The following HUWE1 variants were observed in gnomAD, a reference collection of about 807,000 sequenced individuals.
HUWE1 encodes HECT, UBA and WWE domain containing E3 ubiquitin protein ligase 1, also known as E3 ubiquitin-protein ligase HUWE1.
HUWE1 carries 18 observed loss-of-function variants against 299.4 expected under a neutral mutation model. The observed-to-expected ratio is 0.06, with a 90% CI of 0.04 to 0.09. The LOEUF is 0.09. Among genes scored for constraint, HUWE1 ranks in the 10% least tolerant of loss-of-function variants. The pLI is 1.00. For synonymous variants in HUWE1, 1,317 were observed against 1,286.1 expected (o/e 1.02, Z -0.51); for missense variants, 1,832 against 3,462.3 (o/e 0.53, Z 11.82).
intron 15 of HUWE1, 134 bp downstream of exon 15, chrX:53,628,359 T>C: frequency 2.9e-6 from 2 of 678,247 alleles, no homozygotes; most frequent in South Asian, 5.9e-5. Flanking sequence ...GGCCTTCTAC[T>C]TAAGTATAAC....
intron 2 of HUWE1, among the ~76,000 whole-genome samples, chrX:53,681,430 TAA>T (rs782160350): frequency 1.3e-4 from 11 of 84,927 alleles, no homozygotes; most frequent in Middle Eastern, 6.1e-3. Context: ...GACTCCATCT[TAA>T]AAAAAAAAAA....
intron 37 of HUWE1, 61 bp downstream of exon 37, chrX:53,588,321 G>A: frequency 8.9e-7 from 1 of 1,117,399 alleles, no homozygotes; most frequent in Admixed American, 2.2e-5. Context: ...CCTCATATAT[G>A]TTAAGTGTTT....
At chrX:53,602,397 A>G (rs1188785128) in intron 28 of HUWE1, among the ~76,000 whole-genome samples, 167 bp downstream of exon 28, 1 of 100,834 alleles carries the variant, frequency 9.9e-6, no homozygotes, top group Admixed American at 1.1e-4. Context: ...TCTAAATTTT[A>G]CCATTATGTA....
rs782157701 is a variant in HUWE1 at position 53,657,474 on chromosome X, TGAGATC to T, written c.-24-3349_-24-3344del. 3.1e-3 allele frequency among the ~76,000 whole-genome samples: 347 copies of T among 111,649 alleles called. 2 individuals carry two copies. Among genetic ancestry groups the T allele is most frequent in the African/African-American group, 0.011 (332 of 30,687 alleles). ...CCAGGAGGCAGAGATCGCAGTGAGCTGAGATCGCGCCACTGCATTCCAGCCTGGGCG... is the reference window on the plus strand; with the variant it reads ...CCAGGAGGCAGAGATCGCAGTGAGCTGCGCCACTGCATTCCAGCCTGGGCG... On this transcript the variant is annotated intron_variant, in intron 3 of 83. Transcript: ENST00000262854.
chrX:53,677,474 T>C (rs188283452), intron 3 of HUWE1, among the ~76,000 whole-genome samples: 2 of 104,527 alleles, frequency 1.9e-5, no homozygotes, highest in East Asian at 3.0e-4. Flanking sequence ...GAAATGGGAG[T>C]CAGAACTTGA....
At position 53,603,359 on chromosome X, in the gene HUWE1, T is replaced by C. The variant is rs782256800; in HGVS notation, c.2876+9A>G. The C allele has an allele frequency of 1.7e-6, 2 of 1,206,608 alleles. No homozygotes were observed. The highest frequency in any genetic ancestry group is 2.2e-5 in the Admixed American group (1 of 45,875). ...AACAAAGTAATAAGAGAGAGAGCCA[T>C]TCTCTTACCTGTTTGGGGTACACAG... On this transcript the variant is annotated intron_variant, in intron 27 of 83. Transcript: ENST00000262854.
intron 28 of HUWE1, among the ~76,000 whole-genome samples, chrX:53,600,906 ATC>A (rs1460034922): frequency 2.7e-5 from 3 of 112,378 alleles, no homozygotes; most frequent in African/African-American, 9.7e-5. Context: ...GAAAAAATAT[ATC>A]TGTTAGAGAG....
chrX:53,676,445 A>G (rs1284193909), intron 3 of HUWE1, among the ~76,000 whole-genome samples: 2 of 112,002 alleles, frequency 1.8e-5, no homozygotes, highest in Non-Finnish European at 1.9e-5. Flanking sequence ...AAGGTAGAGA[A>G]GAATGAAGAG....
chrX:53,583,527 TA>T, intron 42 of HUWE1, 30 bp downstream of exon 42: 1 of 1,042,434 alleles, frequency 9.6e-7, no homozygotes. Context: ...GATGTAAAGC[TA>T]AACCAGAATC....
Position 53,535,922 on chromosome X carries a change from GT to G in HUWE1, c.12531+224del, listed in dbSNP as rs34675759. 3,611 of 161,695 alleles carry G rather than the reference GT, an allele frequency of 0.022. 5 individuals carry two copies. The highest frequency in any genetic ancestry group is 0.03 in the East Asian group (212 of 7,000). 13.3% of individuals were successfully genotyped at this position (161,695 alleles called of 1,213,427 possible). The stretch of plus-strand genomic sequence containing the variant: ...TGGGAATGAGGAATTATGTACTGGA[GT>G]TTTTTTTTTTTTTTTTTTTTAATAA... On this transcript the variant is annotated intron_variant, in intron 80 of 83. Coordinates refer to ENST00000262854, the MANE Select transcript of HUWE1 (RefSeq NM_031407.7).
Position 53,604,678 on chromosome X carries a change from G to A in HUWE1, c.2653C>T (p.Leu885Phe), listed in dbSNP as rs368371869. Residue 885 changes from leucine to phenylalanine, a missense_variant, in exon 26 of 84, where the codon CTC becomes TTC. Coordinates refer to ENST00000262854, the MANE Select transcript of HUWE1 (RefSeq NM_031407.7). Reference protein sequence around the residue: ...ACAGNVADATLSAQATPLLHA... With the variant: ...ACAGNVADATFSAQATPLLHA... ...AGCAGAGGTGTGGCCTGGGCTGAGA[G>A]GGTAGCATCAGCAACATTGCCTGCG... is the stretch of plus-strand genomic sequence containing the variant. The A allele has an allele frequency of 1.4e-5, 17 of 1,209,821 alleles. No homozygotes were observed. Among genetic ancestry groups the A allele is most frequent in the Non-Finnish European group, 1.9e-5 (17 of 894,785 alleles).
chrX:53,549,084 G>T lies in HUWE1; in HGVS notation c.9910C>A (p.Gln3304Lys). Residue 3304 changes from glutamine to lysine, a missense_variant, in exon 67 of 84, where the codon CAG becomes AAG. This residue lies in a region of HUWE1 where 80 missense variants were observed against 142.1 expected (regional missense o/e 0.56). Transcript: ENST00000262854. ...GTATGTTTACGCCCCCCTGAACGCTGGATCTGAAATATATTAGTCCTGCAG... is the reference window on the plus strand; with the variant it reads ...GTATGTTTACGCCCCCCTGAACGCTTGATCTGAAATATATTAGTCCTGCAG... ...LGCRTNIFQI[Q>K]RSGGRKHTEK... The T allele has an allele frequency of 2.5e-6, 3 of 1,211,799 alleles. No homozygotes were observed. The highest frequency in any genetic ancestry group is 3.4e-6 in the Non-Finnish European group (3 of 895,367).
At chrX:53,613,816 G>A (rs931733750) in intron 23 of HUWE1, among the ~76,000 whole-genome samples, 4 of 111,468 alleles carry the variant, frequency 3.6e-5, no homozygotes, top group Non-Finnish European at 7.5e-5. Flanking sequence ...TAGGAGACAG[G>A]CTTCAAAAGT....
chrX:53,539,535 G>C, intron 75 of HUWE1, 122 bp downstream of exon 75: 1 of 664,077 alleles, frequency 1.5e-6, no homozygotes. Flanking sequence ...CTTCTCTTTT[G>C]AATTCTCATT....
intron 77 of HUWE1, among the ~76,000 whole-genome samples, chrX:53,538,039 A>G (rs971981590): frequency 6.3e-5 from 7 of 111,803 alleles, no homozygotes; most frequent in African/African-American, 2.0e-4. Context: ...TGTGTGTTCT[A>G]TGGCCACCTG....
At position 53,617,127 on chromosome X, in the gene HUWE1, G is replaced by T. The variant is rs782171759; in HGVS notation, c.1800C>A (p.Val600=). The T allele has an allele frequency of 1.7e-6, 2 of 1,207,902 alleles. No homozygotes were observed. Among genetic ancestry groups the T allele is most frequent in the East Asian group, 5.9e-5 (2 of 33,726 alleles). ...TGAATACATTTGGGAGGGAGCCAAG[G>T]ACTTCACGGGTAGCAGGAACCTAAA... ...LIKDVPATRE[V]LGSLPNVFSA... The change falls in exon 21 of 84, where the codon GTC becomes GTA. Residue 600 remains valine (V), a synonymous_variant. Coordinates refer to ENST00000262854, the MANE Select transcript of HUWE1 (RefSeq NM_031407.7).
At chrX:53,536,746 T>A in intron 78 of HUWE1, 79 bp from the exon 79 acceptor site, 1 of 872,359 alleles carries the variant, frequency 1.1e-6, no homozygotes, top group South Asian at 2.1e-5. Context: ...AGTGAGAGAC[T>A]GTGAAGCAGT....
chrX:53,598,075 G>A (rs2064598534), intron 29 of HUWE1, among the ~76,000 whole-genome samples: 1 of 111,664 alleles, frequency 9.0e-6, no homozygotes, highest in Non-Finnish European at 1.9e-5. Flanking sequence ...TGAAATTCAA[G>A]AGCTAATAAA....
At position 53,573,754 on chromosome X, in the gene HUWE1, T is replaced by C; in HGVS notation, c.6308A>G (p.Lys2103Arg). 7.5e-6 allele frequency: 9 copies of C among 1,200,116 alleles called. No individual in the cohort carries two copies. Among genetic ancestry groups the C allele is most frequent in the Non-Finnish European group, 1.0e-5 (9 of 884,735 alleles). Residue 2103 changes from lysine (K) to arginine (R), a missense_variant, in exon 47 of 84, where the codon AAA (lysine) becomes AGA (arginine). Lys to Arg is a conservative substitution (Grantham distance 26). This residue lies in a region of HUWE1 where 157 missense variants were observed against 252.3 expected (regional missense o/e 0.62). Transcript: ENST00000262854. ...AATAGAAGTTGGAAATATTACCTCTTTGATCAGTTCAGACTGGCCCACAGT... is the reference window on the plus strand; with the variant it reads ...AATAGAAGTTGGAAATATTACCTCTCTGATCAGTTCAGACTGGCCCACAGT... Reference protein sequence around the residue: ...SYTVGQSELIKEDCSVLAFVL... With the variant: ...SYTVGQSELIREDCSVLAFVL...
Sources: allele counts gnomAD v4.1 joint callset (sites outside exome capture counted in the v4.1 genomes callset), GRCh38; gene constraint gnomAD v4.1.1; regional missense constraint gnomAD v4.1.1; transcripts MANE v1.5; gene names NCBI Gene and HGNC (gene_info 2026-07-23, HGNC 2026-07-21).